Variants in COL23A1 observed in about 807,000 individuals in gnomAD.
COL23A1 encodes the protein collagen alpha-1(XXIII) chain.
A neutral mutation model predicts 99.3 loss-of-function variants in COL23A1; 97 were observed. The observed-to-expected ratio is 0.98, with a 90% CI of 0.83 to 1.16. The LOEUF (loss-of-function observed/expected upper bound fraction) is 1.16, where lower values mean the gene tolerates loss of function less well. COL23A1 is among the 50% of genes most tolerant of loss of function. COL23A1 has a pLI of 0.00. For synonymous variants in COL23A1, 320 were observed against 308.2 expected (o/e 1.04, Z -0.40); for missense variants, 762 against 757.4 (o/e 1.01, Z -0.07).
chr5:178,399,938 C>T (rs931154354), intron 2 of COL23A1, among the ~76,000 whole-genome samples: 3 of 152,166 alleles, frequency 2.0e-5, no homozygotes, highest in Non-Finnish European at 4.4e-5. Flanking sequence ...GCCTAGGGGC[C>T]TGGGGACAGG....
At chr5:178,368,682 C>T (rs1360389803) in intron 2 of COL23A1, among the ~76,000 whole-genome samples, 1 of 152,168 alleles carries the variant, frequency 6.6e-6, no homozygotes, top group Admixed American at 6.5e-5. Context: ...CTCCAGAAGC[C>T]GTCAGCCTCC....
chr5:178,374,180 G>A (rs1762949405), intron 2 of COL23A1, among the ~76,000 whole-genome samples: 1 of 152,140 alleles, frequency 6.6e-6, no homozygotes, highest in African/African-American at 2.4e-5. Flanking sequence ...GTACATTAAT[G>A]GTGGCAGCAA....
At chr5:178,360,515 G>A (rs532741818) in intron 2 of COL23A1, among the ~76,000 whole-genome samples, 9 of 152,218 alleles carry the variant, frequency 5.9e-5, no homozygotes, top group East Asian at 3.9e-4. Context: ...GGGCCTGCCC[G>A]GCAAAGAGCA....
chr5:178,314,956 C>T (rs1413389692), intron 2 of COL23A1, among the ~76,000 whole-genome samples: 1 of 152,128 alleles, frequency 6.6e-6, no homozygotes, highest in Non-Finnish European at 1.5e-5. Context: ...TTTTCATAAC[C>T]TCTTCTTGGC....
At position 178,590,077 on chromosome 5, in the gene COL23A1, G is replaced by C; in HGVS notation, c.121C>G (p.Leu41Val). Residue 41 changes from leucine (L) to valine (V), a missense_variant, in exon 1 of 29, where the codon CTG becomes GTG. Leu to Val is a conservative substitution (Grantham distance 32, BLOSUM62 1). Transcript: ENST00000390654. This position sits in a 1 kb window ranked among gnomAD's most constrained non-coding sequence, Gnocchi z 5.7. The stretch of plus-strand genomic sequence containing the variant: ...GCCGCCGAGCCCACGGAGAGCAGCA[G>C]GCACAGCGCGCTCACCGCCCGGGAC... ...AGSRAVSALCLLLSVGSAAAC... is the reference protein window; with the variant it reads ...AGSRAVSALCVLLSVGSAAAC... 3.0e-6 allele frequency: 4 copies of C among 1,315,564 alleles called. No individual in the cohort carries two copies. The South Asian group carries it at 5.9e-5, about 20-fold the overall frequency. 81.5% of individuals were successfully genotyped at this position (1,315,564 alleles called of 1,614,324 possible). A position where few individuals can be genotyped will look rare whatever the true frequency, so the allele number is the denominator to read the frequency against.
At chr5:178,373,115 C>T (rs1394161418) in intron 2 of COL23A1, among the ~76,000 whole-genome samples, 1 of 152,042 alleles carries the variant, frequency 6.6e-6, no homozygotes, top group Non-Finnish European at 1.5e-5. Flanking sequence ...AGTAAGAAAT[C>T]AAACCCTTGG....
At chr5:178,571,966 G>C (rs569472628) in intron 1 of COL23A1, among the ~76,000 whole-genome samples, 48 of 151,748 alleles carry the variant, frequency 3.2e-4, no homozygotes, top group African/African-American at 1.1e-3. Flanking sequence ...TACTCGGGAG[G>C]CTGAGGCAGG....
chr5:178,242,239 T>C, intron 26 of COL23A1, 102 bp downstream of exon 26: 1 of 1,482,416 alleles, frequency 6.7e-7, no homozygotes, highest in Non-Finnish European at 9.2e-7. Flanking sequence ...TCCGCCCACC[T>C]GCCCGGCCTG....
intron 2 of COL23A1, among the ~76,000 whole-genome samples, chr5:178,487,707 G>C (rs1757711853): frequency 6.6e-6 from 1 of 152,158 alleles, no homozygotes; most frequent in Non-Finnish European, 1.5e-5. Context: ...ATAAGTGACA[G>C]TGGAGGCAGA....
At chr5:178,264,169 G>T (rs1321627622) in intron 8 of COL23A1, among the ~76,000 whole-genome samples, 1 of 152,112 alleles carries the variant, frequency 6.6e-6, no homozygotes, top group African/African-American at 2.4e-5. Flanking sequence ...TGTGTGTACA[G>T]GTGGGGGCAT....
At position 178,247,755 on chromosome 5, in the gene COL23A1, C is replaced by T; in HGVS notation, c.1269+20G>A. 5 of 1,612,772 alleles carry T rather than the reference C, an allele frequency of 3.1e-6. No individual in the cohort carries two copies. The highest frequency in any genetic ancestry group is 1.7e-4 in the Middle Eastern group (1 of 6,058). ...GGTTTCCTGGCTGCTTCAAACCAAA[C>T]CAAAGCAAACCGTCCTTACCATCGG... On this transcript the variant is annotated intron_variant, in intron 21 of 28. Transcript: ENST00000390654.
At position 178,500,424 on chromosome 5, in the gene COL23A1, C is replaced by CCA. The variant is rs1554184902; in HGVS notation, c.361+60257_361+60258insTG. On this transcript the variant is annotated intron_variant, in intron 2 of 28. Coordinates refer to ENST00000390654, the MANE Select transcript of COL23A1 (RefSeq NM_173465.4). ...GCAACAAAGCAAGACCCCATCTCTA[C>CCA]AAAAAAAAAAAAAAAAAAAAAATGG... 2.5e-3 allele frequency among the ~76,000 whole-genome samples: 165 copies of CCA among 65,688 alleles called. 8 individuals are homozygous for CCA. Among genetic ancestry groups the CCA allele is most frequent in the Middle Eastern group, 0.012 (1 of 82 alleles). The allele number at this position is 65,688 out of a possible 152,430, so 43.1% of individuals were successfully genotyped here.
At chr5:178,561,485 G>A (rs1010705696) in intron 1 of COL23A1, among the ~76,000 whole-genome samples, 1 of 152,144 alleles carries the variant, frequency 6.6e-6, no homozygotes, top group Admixed American at 6.5e-5. Flanking sequence ...CTGGCCCGAT[G>A]GAACCCTATG....
chr5:178,369,469 G>T (rs1581247297), intron 2 of COL23A1, among the ~76,000 whole-genome samples: 1 of 152,212 alleles, frequency 6.6e-6, no homozygotes, highest in Admixed American at 6.5e-5. Flanking sequence ...AGCACTCAGA[G>T]AAATTACAAT....
Position 178,347,062 on chromosome 5 carries a change from G to T in COL23A1, c.362-40143C>A, listed in dbSNP as rs527438435. On this transcript the variant is annotated intron_variant, in intron 2 of 28. Transcript: ENST00000390654. ...GGTGAGCAGGGTGAGGCCCAGCAGG[G>T]TCTGGTGGCCCTGCTTGAGGCCGCC... Among the ~76,000 whole-genome samples the T allele has an allele frequency of 4.5e-4, 68 of 152,300 alleles. 1 individual carries two copies. The highest frequency in any genetic ancestry group is 1.6e-3 in the African/African-American group (67 of 41,572).
chr5:178,368,499 G>A (rs1355355852), intron 2 of COL23A1, among the ~76,000 whole-genome samples: 4 of 152,200 alleles, frequency 2.6e-5, no homozygotes, highest in Non-Finnish European at 5.9e-5. Context: ...CATACATCCT[G>A]TGGGTTTGGA....
chr5:178,335,870 T>C (rs1760289835), intron 2 of COL23A1, among the ~76,000 whole-genome samples: 1 of 152,248 alleles, frequency 6.6e-6, no homozygotes, highest in Admixed American at 6.5e-5. Flanking sequence ...TTGCTCACTA[T>C]ATTTGAGCTA....
chr5:178,463,005 C>A (rs957865107), intron 2 of COL23A1, among the ~76,000 whole-genome samples: 7 of 152,254 alleles, frequency 4.6e-5, no homozygotes, highest in East Asian at 1.9e-4. Context: ...GCACCATGTA[C>A]CTTACCCAAA....
rs113066125 is a variant in COL23A1 at position 178,344,085 on chromosome 5, G to T, written c.362-37166C>A. Among the ~76,000 whole-genome samples, 1,377 of 152,182 alleles carry T rather than the reference G, an allele frequency of 9.0e-3. 25 individuals carry two copies. Among genetic ancestry groups the T allele is most frequent in the African/African-American group, 0.031 (1,303 of 41,520 alleles). The stretch of plus-strand genomic sequence containing the variant: ...TTGAACTTTTAGAAAAGAAATGAAC[G>T]TGTAGAAACTGGTTTTATTTTGCAG... On this transcript the variant is annotated intron_variant, in intron 2 of 28. Transcript: ENST00000390654.
Sources: allele counts gnomAD v4.1 joint callset (sites outside exome capture counted in the v4.1 genomes callset), GRCh38; gene constraint gnomAD v4.1.1; non-coding constraint Gnocchi (gnomAD v3.1); transcripts MANE v1.5; gene names NCBI Gene and HGNC (gene_info 2026-07-23, HGNC 2026-07-21).